FAM135B: variants seen among roughly 807,000 people sequenced by gnomAD.
FAM135B encodes the protein protein FAM135B.
In FAM135B, 43 loss-of-function variants were observed where a neutral mutation model predicts 127.7. The ratio of observed to expected loss-of-function variants is 0.34; its 90% CI spans 0.26 to 0.43. The LOEUF (loss-of-function observed/expected upper bound fraction) is 0.43, where lower values mean the gene tolerates loss of function less well. FAM135B is among the 20% of genes least tolerant of loss of function. The probability of loss-of-function intolerance (pLI) is 1.00; values close to 1 mark genes in which losing one functional copy is unlikely to be tolerated. For synonymous variants in FAM135B, 670 were observed against 665.1 expected (o/e 1.01, Z -0.11); for missense variants, 1,558 against 1,725.6 (o/e 0.90, Z 1.72).
chr8:138,238,722 C>T (rs1820498893), intron 7 of FAM135B, among the ~76,000 whole-genome samples: 1 of 152,210 alleles, frequency 6.6e-6, no homozygotes, highest in African/African-American at 2.4e-5. Flanking sequence ...TGTTAATGCG[C>T]TGGGCTTCTC....
intron 12 of FAM135B, among the ~76,000 whole-genome samples, chr8:138,166,979 G>A (rs1358533274): frequency 1.3e-5 from 2 of 151,872 alleles, no homozygotes; most frequent in African/African-American, 4.8e-5. Context: ...ACTCAGCCCT[G>A]GACAAGACAC....
chr8:138,205,261 A>G (rs935574186), intron 7 of FAM135B, among the ~76,000 whole-genome samples: 27 of 152,220 alleles, frequency 1.8e-4, no homozygotes, highest in African/African-American at 6.5e-4. Flanking sequence ...TTAAAAGGGT[A>G]AATAATGTTT....
At chr8:138,262,408 G>A (rs1421368906) in intron 4 of FAM135B, among the ~76,000 whole-genome samples, 1 of 152,172 alleles carries the variant, frequency 6.6e-6, no homozygotes, top group Non-Finnish European at 1.5e-5. Context: ...TTCTTATTGG[G>A]ATTTGGGGAA....
At chr8:138,227,062 C>A (rs1819513961) in intron 7 of FAM135B, among the ~76,000 whole-genome samples, 1 of 152,168 alleles carries the variant, frequency 6.6e-6, no homozygotes, top group African/African-American at 2.4e-5. Context: ...AACTGTCCTG[C>A]CTTCAGCAGG....
chr8:138,212,060 T>G (rs1818185801), intron 7 of FAM135B, among the ~76,000 whole-genome samples: 1 of 152,130 alleles, frequency 6.6e-6, no homozygotes, highest in Non-Finnish European at 1.5e-5. Context: ...AGAAAGACAT[T>G]GTCTCAAATA....
intron 1 of FAM135B, among the ~76,000 whole-genome samples, chr8:138,480,293 A>C (rs1181447507): frequency 6.6e-6 from 1 of 152,224 alleles, no homozygotes; most frequent in Non-Finnish European, 1.5e-5. Context: ...AGCCTGTGCT[A>C]GTAGCTCAGG....
At chr8:138,425,822 C>T (rs1041649837) in intron 1 of FAM135B, among the ~76,000 whole-genome samples, 7 of 151,518 alleles carry the variant, frequency 4.6e-5, no homozygotes, top group African/African-American at 1.7e-4. Context: ...TCGGTTTACA[C>T]CAGCAAAAAG....
At chr8:138,398,511 A>G (rs1832969459) in intron 1 of FAM135B, among the ~76,000 whole-genome samples, 1 of 152,172 alleles carries the variant, frequency 6.6e-6, no homozygotes, top group Admixed American at 6.5e-5. Context: ...GCTTTAATAG[A>G]AATCAGCCAC....
At chr8:138,460,823 G>A (rs1837080016) in intron 1 of FAM135B, among the ~76,000 whole-genome samples, 2 of 152,050 alleles carry the variant, frequency 1.3e-5, no homozygotes, top group Non-Finnish European at 2.9e-5. Flanking sequence ...TCATTCTACT[G>A]CAACAATGTG....
intron 15 of FAM135B, among the ~76,000 whole-genome samples, chr8:138,143,424 A>G (rs1817386830): frequency 6.6e-6 from 1 of 152,136 alleles, no homozygotes; most frequent in African/African-American, 2.4e-5. Context: ...CCCCTGCTTC[A>G]CAGAGGAGGA....
At chr8:138,331,471 T>C (rs182727314) in intron 2 of FAM135B, among the ~76,000 whole-genome samples, 1 of 152,236 alleles carries the variant, frequency 6.6e-6, no homozygotes, top group Non-Finnish European at 1.5e-5. Context: ...AGATTATAGA[T>C]GAGGAAAGAG....
chr8:138,392,839 G>C (rs1832655942), intron 1 of FAM135B, among the ~76,000 whole-genome samples: 1 of 152,184 alleles, frequency 6.6e-6, no homozygotes, highest in Non-Finnish European at 1.5e-5. Context: ...TTCCACTCCA[G>C]CCTATGGGGA....
At position 138,242,791 on chromosome 8, in the gene FAM135B, A is replaced by G; in HGVS notation, c.669+151T>C. 9.7e-7 allele frequency: 1 copy of G among 1,025,676 alleles called. No homozygotes were observed. The highest frequency in any genetic ancestry group is 1.4e-6 in the Non-Finnish European group (1 of 730,768). 63.5% of individuals were successfully genotyped at this position (1,025,676 alleles called of 1,614,324 possible). A position where few individuals can be genotyped will look rare whatever the true frequency, so the allele number is the denominator to read the frequency against. On this transcript the variant is annotated intron_variant, in intron 7 of 19. Transcript: ENST00000395297. This position sits in a 1 kb window ranked among gnomAD's most constrained non-coding sequence, Gnocchi z 9.6. Reference sequence around the variant, plus strand: ...ATGTCTGATAGAGCTTGTAGTGATAAAAACAAGGGGTGGGAAGATGGTGAA... The same window carrying G: ...ATGTCTGATAGAGCTTGTAGTGATAGAAACAAGGGGTGGGAAGATGGTGAA...
At chr8:138,249,675 C>T (rs1821556671) in intron 6 of FAM135B, among the ~76,000 whole-genome samples, 1 of 152,042 alleles carries the variant, frequency 6.6e-6, no homozygotes, top group Admixed American at 6.6e-5. Context: ...CTCTCTGACC[C>T]CAGCAGAGAA....
intron 13 of FAM135B, among the ~76,000 whole-genome samples, chr8:138,150,985 T>C (rs1818090229): frequency 6.6e-6 from 1 of 152,082 alleles, no homozygotes; most frequent in South Asian, 2.1e-4. Flanking sequence ...TTATTGACCA[T>C]TTTTACTTCC....
chr8:138,236,399 T>TACACACACAC (rs35317285), intron 7 of FAM135B, among the ~76,000 whole-genome samples: 23 of 144,790 alleles, frequency 1.6e-4, no homozygotes, highest in African/African-American at 5.5e-4. Flanking sequence ...CACACACACA[T>TACACACACAC]ACACACACAC....
At chr8:138,356,482 G>T (rs1305538916) in intron 2 of FAM135B, among the ~76,000 whole-genome samples, 1 of 152,088 alleles carries the variant, frequency 6.6e-6, no homozygotes, top group Non-Finnish European at 1.5e-5. Context: ...ATTACATGAG[G>T]TTATTTGTAA....
intron 1 of FAM135B, among the ~76,000 whole-genome samples, chr8:138,435,006 T>C (rs1835381893): frequency 6.6e-6 from 1 of 152,034 alleles, no homozygotes; most frequent in African/African-American, 2.4e-5. Flanking sequence ...ATCTTGCAAG[T>C]GTGGCTGAAG....
intron 8 of FAM135B, 94 bp downstream of exon 8, chr8:138,197,422 A>G (rs1816742793): frequency 1.4e-6 from 2 of 1,453,350 alleles, no homozygotes; most frequent in Non-Finnish European, 9.4e-7. Flanking sequence ...TATTCCTGTG[A>G]CATTTACAAA....
Sources: allele counts gnomAD v4.1 joint callset (sites outside exome capture counted in the v4.1 genomes callset), GRCh38; gene constraint gnomAD v4.1.1; non-coding constraint Gnocchi (gnomAD v3.1); transcripts MANE v1.5; gene names NCBI Gene and HGNC (gene_info 2026-07-23, HGNC 2026-07-21).